UTP23: variants seen among roughly 807,000 people sequenced by gnomAD.
UTP23 encodes the protein UTP23 small subunit processome component, also known as rRNA-processing protein UTP23 homolog.
In UTP23, 10 loss-of-function variants were observed where a neutral mutation model predicts 19.8. The ratio of observed to expected loss-of-function variants is 0.50; its 90% CI spans 0.31 to 0.86. UTP23 has a LOEUF of 0.86. UTP23 is among the 40% of genes least tolerant of loss of function. The pLI is 0.05. For missense variants in UTP23, 282 were observed against 293.1 expected (o/e 0.96, Z 0.28); for synonymous variants, 108 against 105.4 (o/e 1.02, Z -0.15).
chr8:116,768,192 A>T (rs944062953), intron 1 of UTP23, among the ~76,000 whole-genome samples: 1 of 152,200 alleles, frequency 6.6e-6, no homozygotes. Context: ...CGGCTGGGTT[A>T]CAGATACCCC....
At chr8:116,769,963 A>G (rs1815629638) in intron 1 of UTP23, 1 of 368,388 alleles carries the variant, frequency 2.7e-6, no homozygotes, top group Non-Finnish European at 4.8e-6. Flanking sequence ...GAATTTATGT[A>G]AAGAGCAATT....
rs752373646 is a variant in UTP23, at chr8:116,773,931, T to G, written c.*2089T>G. On this transcript the variant is annotated 3_prime_UTR_variant, in exon 3 of 3. Coordinates refer to ENST00000309822, the MANE Select transcript of UTP23 (RefSeq NM_032334.3). ...CTCATATCCTTGTACTTCAGTTTTT[T>G]TGTGTGTGAATACTATCCCTATACC... 2.3e-4 allele frequency: 228 copies of G among 984,828 alleles called. 4 individuals carry two copies. Among genetic ancestry groups the G allele is most frequent in the Admixed American group, 1.2e-4 (2 of 16,260 alleles). 61.0% of individuals were successfully genotyped at this position (984,828 alleles called of 1,614,324 possible).
Position 116,772,665 on chromosome 8 carries a change from T to G in UTP23, c.*823T>G. 1 of 985,110 alleles carries G rather than the reference T, an allele frequency of 1.0e-6. No individual in the cohort carries two copies. The highest frequency in any genetic ancestry group is 4.7e-5 in the South Asian group (1 of 21,280). The allele number at this position is 985,110 out of a possible 1,614,324, so 61.0% of individuals were successfully genotyped here. A position where few individuals can be genotyped will look rare whatever the true frequency, so the allele number is the denominator to read the frequency against. ...ATAAGGATGATGATTTTCTTTTAGATGTAAATGTTAACTTCAATAGCAAGA... is the reference window on the plus strand; with the variant it reads ...ATAAGGATGATGATTTTCTTTTAGAGGTAAATGTTAACTTCAATAGCAAGA... On this transcript the variant is annotated 3_prime_UTR_variant, in exon 3 of 3. Coordinates refer to ENST00000309822, the MANE Select transcript of UTP23 (RefSeq NM_032334.3).
chr8:116,774,186 A>G lies in UTP23; in HGVS notation c.*2344A>G. ...CTGAAAAGGGGTGTTTCTGAAGACCACTATCTTTTACGAACACTTAAAAAT... is the reference window on the plus strand; with the variant it reads ...CTGAAAAGGGGTGTTTCTGAAGACCGCTATCTTTTACGAACACTTAAAAAT... On this transcript the variant is annotated 3_prime_UTR_variant, in exon 3 of 3. Coordinates refer to ENST00000309822, the MANE Select transcript of UTP23 (RefSeq NM_032334.3). 1.0e-6 allele frequency: 1 copy of G among 985,416 alleles called. No homozygotes were observed. Among genetic ancestry groups the G allele is most frequent in the Non-Finnish European group, 1.2e-6 (1 of 829,932 alleles). 61.0% of individuals were successfully genotyped at this position (985,416 alleles called of 1,614,324 possible). A position where few individuals can be genotyped will look rare whatever the true frequency, so the allele number is the denominator to read the frequency against.
At position 116,770,371 on chromosome 8, in the gene UTP23, T is replaced by C. The variant is rs1011941994; in HGVS notation, c.363+5T>C. The stretch of plus-strand genomic sequence containing the variant: ...CATTATTTTGTGGCAACACAGGTGA[T>C]ACTACTTTTAAAACCACAGGCAATT... On this transcript the variant is annotated splice_donor_5th_base_variant and intron_variant, in intron 2 of 2. Transcript: ENST00000309822. 42 of 1,597,462 alleles carry C rather than the reference T, an allele frequency of 2.6e-5. No homozygotes were observed. The highest frequency in any genetic ancestry group is 3.6e-5 in the Non-Finnish European group (42 of 1,167,560).
In UTP23 at chr8:116,770,207, G is replaced by A. The variant is rs759625184; in HGVS notation, c.204G>A (p.Glu68=). Residue 68 remains glutamate, a synonymous_variant, in exon 2 of 3, where the codon GAG becomes GAA. Coordinates refer to ENST00000309822, the MANE Select transcript of UTP23 (RefSeq NM_032334.3). ...QLCTTRCVLK[E]LETLGKDLYG... ...TTCTTTTCAGATGTGTGTTAAAAGA[G>A]CTAGAAACATTGGGAAAGGACTTAT... is the stretch of plus-strand genomic sequence containing the variant. 6.8e-6 allele frequency: 11 copies of A among 1,610,442 alleles called. No individual in the cohort carries two copies. The highest frequency in any genetic ancestry group is 3.3e-5 in the Admixed American group (2 of 59,928).
At chr8:116,769,761 G>A (rs990148437) in intron 1 of UTP23, among the ~76,000 whole-genome samples, 2 of 152,158 alleles carry the variant, frequency 1.3e-5, no homozygotes, top group Non-Finnish European at 2.9e-5. Context: ...ATACCAATTT[G>A]TACTTGAAGC....
intron 1 of UTP23, 53 bp from the exon 2 acceptor site, chr8:116,770,139 T>C (rs1235843294): frequency 6.9e-7 from 1 of 1,443,900 alleles, no homozygotes; most frequent in African/African-American, 1.4e-5. Flanking sequence ...ACTATTGTTT[T>C]TTACACCTTA....
chr8:116,772,806 T>C lies in UTP23; in HGVS notation c.*964T>C. ...TAGGAATTGAATAATGAAACGTGTC[T>C]CTCTGAATTCCCCCGGCAATTGTTT... On this transcript the variant is annotated 3_prime_UTR_variant, in exon 3 of 3. Transcript: ENST00000309822. The C allele has an allele frequency of 1.0e-6, 1 of 985,436 alleles. No homozygotes were observed. Among genetic ancestry groups the C allele is most frequent in the Non-Finnish European group, 1.2e-6 (1 of 829,920 alleles). 61.0% of individuals were successfully genotyped at this position (985,436 alleles called of 1,614,324 possible). A position where few individuals can be genotyped will look rare whatever the true frequency, so the allele number is the denominator to read the frequency against.
chr8:116,774,273 C>A lies in UTP23; in HGVS notation c.*2431C>A. 1.0e-5 allele frequency: 10 copies of A among 985,326 alleles called. No homozygotes were observed. The highest frequency in any genetic ancestry group is 1.2e-5 in the Non-Finnish European group (10 of 829,920). The allele number at this position is 985,326 out of a possible 1,614,324, so 61.0% of individuals were successfully genotyped here. ...TCTTTACATTTTTATGGCCCTACAGCTACTTCTTATCCCTGCAAGTATATA... is the reference window on the plus strand; with the variant it reads ...TCTTTACATTTTTATGGCCCTACAGATACTTCTTATCCCTGCAAGTATATA... On this transcript the variant is annotated 3_prime_UTR_variant, in exon 3 of 3. Transcript: ENST00000309822.
intron 1 of UTP23, among the ~76,000 whole-genome samples, chr8:116,768,775 C>T (rs1259315766): frequency 6.6e-6 from 1 of 152,194 alleles, no homozygotes; most frequent in Non-Finnish European, 1.5e-5. Flanking sequence ...AGTGATTTCC[C>T]TACATCAGCC....
Position 116,773,464 on chromosome 8 carries a change from C to G in UTP23, c.*1622C>G. ...TGAACTGGAGAGCTGGAAAAATCCACTTTTTTATGAAGCAGTAATTATAGA... is the reference window on the plus strand; with the variant it reads ...TGAACTGGAGAGCTGGAAAAATCCAGTTTTTTATGAAGCAGTAATTATAGA... On this transcript the variant is annotated 3_prime_UTR_variant, in exon 3 of 3. Coordinates refer to ENST00000309822, the MANE Select transcript of UTP23 (RefSeq NM_032334.3). 1 of 983,716 alleles carries G rather than the reference C, an allele frequency of 1.0e-6. No individual in the cohort carries two copies. The highest frequency in any genetic ancestry group is 1.2e-6 in the Non-Finnish European group (1 of 828,438). 60.9% of individuals were successfully genotyped at this position (983,716 alleles called of 1,614,324 possible).
rs1363715917 is a variant in UTP23 at position 116,773,741 on chromosome 8, C to T, written c.*1899C>T. Reference sequence around the variant, plus strand: ...AGGAGAATCGCTTGAACCCAGGAGGCGGAGGTTGCAGTGAGCCAAGATCAT... The same window carrying T: ...AGGAGAATCGCTTGAACCCAGGAGGTGGAGGTTGCAGTGAGCCAAGATCAT... On this transcript the variant is annotated 3_prime_UTR_variant, in exon 3 of 3. Coordinates refer to ENST00000309822, the MANE Select transcript of UTP23 (RefSeq NM_032334.3). 5.7e-6 allele frequency: 2 copies of T among 350,690 alleles called. No homozygotes were observed. The highest frequency in any genetic ancestry group is 2.2e-5 in the African/African-American group (1 of 44,914). The allele number at this position is 350,690 out of a possible 1,614,324, so 21.7% of individuals were successfully genotyped here. A position where few individuals can be genotyped will look rare whatever the true frequency, so the allele number is the denominator to read the frequency against.
Position 116,766,759 on chromosome 8 carries a change from C to T in UTP23, c.156C>T (p.Tyr52=), listed in dbSNP as rs772164486. Residue 52 remains tyrosine, a synonymous_variant, in exon 1 of 3, where the codon TAC becomes TAT. Coordinates refer to ENST00000309822, the MANE Select transcript of UTP23 (RefSeq NM_032334.3). ...RIQLREQLPR[Y]LMGETQLCTT... is the part of the protein sequence containing the mutation. ...AGCTGCGGGAGCAGCTGCCCCGCTA[C>T]CTCATGGGGGAGACGCAGCTGTGCA... 12 of 1,588,548 alleles carry T rather than the reference C, an allele frequency of 7.6e-6. No homozygotes were observed. Among genetic ancestry groups the T allele is most frequent in the Non-Finnish European group, 1.0e-5 (12 of 1,167,334 alleles).
intron 2 of UTP23, 142 bp from the exon 3 acceptor site, chr8:116,771,314 A>G: frequency 1.6e-6 from 1 of 611,924 alleles, no homozygotes; most frequent in Non-Finnish European, 2.5e-6. Context: ...ATATACCCCC[A>G]TTACTCAAAT....
Position 116,774,402 on chromosome 8 carries a change from C to T in UTP23, c.*2560C>T. On this transcript the variant is annotated 3_prime_UTR_variant, in exon 3 of 3. Coordinates refer to ENST00000309822, the MANE Select transcript of UTP23 (RefSeq NM_032334.3). Reference sequence around the variant, plus strand: ...GTAAAGCAAGATGGCTGTGATTTGACAGGTTTAATTGCTAGTTTTTTATAG... The same window carrying T: ...GTAAAGCAAGATGGCTGTGATTTGATAGGTTTAATTGCTAGTTTTTTATAG... 1.1e-6 allele frequency: 1 copy of T among 949,314 alleles called. No homozygotes were observed. The highest frequency in any genetic ancestry group is 1.2e-6 in the Non-Finnish European group (1 of 810,188). The allele number at this position is 949,314 out of a possible 1,614,324, so 58.8% of individuals were successfully genotyped here. A position where few individuals can be genotyped will look rare whatever the true frequency, so the allele number is the denominator to read the frequency against.
Position 116,774,544 on chromosome 8 carries a change from T to C in UTP23, c.*2702T>C. 1.5e-6 allele frequency: 1 copy of C among 665,506 alleles called. No individual in the cohort carries two copies. The allele number at this position is 665,506 out of a possible 1,614,324, so 41.2% of individuals were successfully genotyped here. On this transcript the variant is annotated 3_prime_UTR_variant, in exon 3 of 3. Transcript: ENST00000309822. ...TATATCTCCAAGATATATATATGTATATAGGTATATACACATATGTATATA... is the reference window on the plus strand; with the variant it reads ...TATATCTCCAAGATATATATATGTACATAGGTATATACACATATGTATATA...
In UTP23 at chr8:116,773,227, C is replaced by G. The variant is rs1161813435; in HGVS notation, c.*1385C>G. ...ATTTTTAATAAGGAAGGTAAAAATA[C>G]TGGAAAAAAGTGAATAGTGTAGGTT... On this transcript the variant is annotated 3_prime_UTR_variant, in exon 3 of 3. Transcript: ENST00000309822. The G allele has an allele frequency of 1.0e-6, 1 of 985,124 alleles. No individual in the cohort carries two copies. The highest frequency in any genetic ancestry group is 1.7e-5 in the African/African-American group (1 of 57,162). The allele number at this position is 985,124 out of a possible 1,614,324, so 61.0% of individuals were successfully genotyped here. A position where few individuals can be genotyped will look rare whatever the true frequency, so the allele number is the denominator to read the frequency against.
At position 116,771,691 on chromosome 8, in the gene UTP23, G is replaced by C; in HGVS notation, c.599G>C (p.Ser200Thr). The change falls in exon 3 of 3, where the codon AGT (serine) becomes ACT (threonine). Residue 200 changes from serine to threonine, a missense_variant. Physicochemically the swap from Ser to Thr is moderately conservative, Grantham distance 58 (BLOSUM62 1). Transcript: ENST00000309822. The stretch of plus-strand genomic sequence containing the variant: ...AGAAGAAAAAAGCGCAAGAAAATAA[G>C]TGGTCCCAATCCTCTTAGTTGTTTG... ...QSRRKKRKKI[S>T]GPNPLSCLKK... is the part of the protein sequence containing the mutation. 6.2e-7 allele frequency: 1 copy of C among 1,612,390 alleles called. No individual in the cohort carries two copies. The highest frequency in any genetic ancestry group is 8.5e-7 in the Non-Finnish European group (1 of 1,179,730).
Sources: gnomAD v4.1 joint callset for allele counts (sites outside exome capture counted in the v4.1 genomes callset) on GRCh38, gnomAD v4.1.1 for gene constraint, MANE v1.5 for transcripts, NCBI Gene and HGNC (gene_info 2026-07-23, HGNC 2026-07-21) for gene names.